The following AGGF1 variants were observed in gnomAD, a reference collection of about 807,000 sequenced individuals.
AGGF1 encodes angiogenic factor with G patch and FHA domains 1.
AGGF1 carries 56 observed loss-of-function variants against 86.5 expected under a neutral mutation model. That is an observed-to-expected ratio of 0.65 (90% confidence interval 0.52 to 0.81). The LOEUF is 0.81. Among genes scored for constraint, AGGF1 ranks in the 30% least tolerant of loss-of-function variants. AGGF1 has a pLI of 0.00. For missense variants in AGGF1, 816 were observed against 850.9 expected, an observed-to-expected ratio of 0.96 and a Z score of 0.51; for synonymous variants, 313 against 297.1, an observed-to-expected ratio of 1.05 and a Z score of -0.55.
At position 77,039,771 on chromosome 5, in the gene AGGF1, T is replaced by TA. The variant is rs778785970; in HGVS notation, c.870+54dup. The TA allele has an allele frequency of 1.9e-5, 28 of 1,502,862 alleles. 1 individual carries two copies. The South Asian group carries it at 3.2e-4, about 17-fold the overall frequency. The allele number at this position is 1,502,862 out of a possible 1,614,324, so 93.1% of individuals were successfully genotyped here. ...GACATAATGGTGATAACATGATAAT[T>TA]AAGACAAAATTTTTTATGAAACTGA... On this transcript the variant is annotated intron_variant, in intron 5 of 13. Coordinates refer to ENST00000312916, the MANE Select transcript of AGGF1 (RefSeq NM_018046.5).
chr5:77,051,449 A>G (rs1290329491), intron 8 of AGGF1, among the ~76,000 whole-genome samples: 4 of 148,344 alleles, frequency 2.7e-5, no homozygotes, highest in South Asian at 2.1e-4. Flanking sequence ...AAAAAAAAAG[A>G]GTTTTGGTAG....
At chr5:77,061,893 A>C in intron 13 of AGGF1, 91 bp downstream of exon 13, 1 of 1,217,900 alleles carries the variant, frequency 8.2e-7, no homozygotes, top group Non-Finnish European at 1.2e-6. Flanking sequence ...AAGTGCTAAG[A>C]ATATAGTAGA....
At chr5:77,043,732 C>T (rs1196563604) in intron 5 of AGGF1, among the ~76,000 whole-genome samples, 2 of 137,126 alleles carry the variant, frequency 1.5e-5, no homozygotes, top group Non-Finnish European at 3.2e-5. Context: ...AGACGCTCCT[C>T]ACTTCCCAGA....
intron 10 of AGGF1, 112 bp downstream of exon 10, chr5:77,054,242 A>C (rs1435818686): frequency 4.5e-5 from 55 of 1,233,532 alleles, no homozygotes; most frequent in Non-Finnish European, 6.4e-5. Flanking sequence ...ACGATACTGC[A>C]TTGAGAGATA....
intron 5 of AGGF1, among the ~76,000 whole-genome samples, chr5:77,042,164 G>A (rs1303349048): frequency 6.7e-6 from 1 of 150,002 alleles, no homozygotes; most frequent in South Asian, 2.1e-4. Flanking sequence ...CAAGGCAGAG[G>A]AATTTTTCTT....
At chr5:77,051,478 T>A (rs1747373230) in intron 8 of AGGF1, among the ~76,000 whole-genome samples, 1 of 150,734 alleles carries the variant, frequency 6.6e-6, no homozygotes, top group African/African-American at 2.4e-5. Flanking sequence ...GAAATGCAAG[T>A]TAAAATCACA....
At chr5:77,031,993 C>G (rs72765104) in intron 1 of AGGF1, among the ~76,000 whole-genome samples, 48,602 of 151,916 alleles carry the variant, frequency 0.32, 8,974 homozygotes, top group Non-Finnish European at 0.41. Context: ...CACATAGTAA[C>G]TAGTTTCAAT....
In AGGF1 at chr5:77,055,494, C is replaced by T. The variant is rs1747442328; in HGVS notation, c.1634-20C>T. Reference sequence around the variant, plus strand: ...ATCAGATTTAGTGGCTTTTTTTTAACCAAACTTTTTTTCTTTCAGTTGGTC... The same window carrying T: ...ATCAGATTTAGTGGCTTTTTTTTAATCAAACTTTTTTTCTTTCAGTTGGTC... On this transcript the variant is annotated intron_variant, in intron 10 of 13. Coordinates refer to ENST00000312916, the MANE Select transcript of AGGF1 (RefSeq NM_018046.5). 3 of 1,541,204 alleles carry T rather than the reference C, an allele frequency of 1.9e-6. No homozygotes were observed. The highest frequency in any genetic ancestry group is 2.7e-6 in the Non-Finnish European group (3 of 1,118,342).
Position 77,046,464 on chromosome 5 carries a change from C to T in AGGF1, c.988C>T (p.Pro330Ser), listed in dbSNP as rs1423383016. Residue 330 changes from proline to serine, a missense_variant, in exon 6 of 14, where the codon CCC becomes TCC. By Grantham distance (74) the Pro-to-Ser change is moderately conservative (BLOSUM62 -1). This residue lies in a region of AGGF1 where 565 missense variants were observed against 585.8 expected (regional missense o/e 0.96). Transcript: ENST00000312916. ...AATAGGCATTCATCACAAAAATAGT[C>T]CCCCCAAAGTCACTGTTCCAACTAG... Reference protein sequence around the residue: ...AKIGIHHKNSPPKVTVPTSGN... With the variant: ...AKIGIHHKNSSPKVTVPTSGN... 4 of 1,613,956 alleles carry T rather than the reference C, an allele frequency of 2.5e-6. No individual in the cohort carries two copies. The highest frequency in any genetic ancestry group is 1.7e-5 in the Admixed American group (1 of 60,024).
intron 8 of AGGF1, among the ~76,000 whole-genome samples, chr5:77,052,214 ATGGT>A (rs1747382847): frequency 6.6e-6 from 1 of 152,046 alleles, no homozygotes; most frequent in Non-Finnish European, 1.5e-5. Context: ...TTAACCAGGT[ATGGT>A]GGCACATGCC....
intron 5 of AGGF1, among the ~76,000 whole-genome samples, chr5:77,045,673 A>G (rs1747234763): frequency 6.6e-6 from 1 of 152,332 alleles, no homozygotes; most frequent in South Asian, 2.1e-4. Context: ...AATTCATGTC[A>G]TAAGTAAAGC....
chr5:77,044,733 G>A (rs539652045), intron 5 of AGGF1, among the ~76,000 whole-genome samples: 2 of 152,212 alleles, frequency 1.3e-5, no homozygotes, highest in South Asian at 4.1e-4. Flanking sequence ...CTTGTTCTGG[G>A]TGAATTTGTA....
chr5:77,050,993 T>C lies in AGGF1; in HGVS notation c.1366-1713T>C, dbSNP rs543730119. On this transcript the variant is annotated intron_variant, in intron 8 of 13. Transcript: ENST00000312916. Reference sequence around the variant, plus strand: ...TCATCATTTATTAAATATCACTCCTTTTGGGAATGTAATTTAGAAAAGCTT... The same window carrying C: ...TCATCATTTATTAAATATCACTCCTCTTGGGAATGTAATTTAGAAAAGCTT... Among the ~76,000 whole-genome samples the C allele has an allele frequency of 4.6e-5, 7 of 152,326 alleles. No homozygotes were observed. The South Asian group carries it at 1.4e-3, about 32-fold the overall frequency.
At chr5:77,044,944 A>G (rs1247617444) in intron 5 of AGGF1, among the ~76,000 whole-genome samples, 1 of 152,120 alleles carries the variant, frequency 6.6e-6, no homozygotes, top group East Asian at 1.9e-4. Flanking sequence ...GCATGCCTGT[A>G]GTCCCAGCTA....
intron 5 of AGGF1, among the ~76,000 whole-genome samples, chr5:77,043,514 G>C (rs1343909489): frequency 1.4e-5 from 2 of 144,528 alleles, no homozygotes; most frequent in East Asian, 2.2e-4. Context: ...TCCCGGACGG[G>C]GCGGCTGGCC....
chr5:77,031,570 G>A (rs1746854725), intron 1 of AGGF1, among the ~76,000 whole-genome samples: 1 of 152,140 alleles, frequency 6.6e-6, no homozygotes, highest in Non-Finnish European at 1.5e-5. Flanking sequence ...AGATGGTAGG[G>A]GCAAATGTTA....
At chr5:77,040,552 T>C (rs751411480) in intron 5 of AGGF1, among the ~76,000 whole-genome samples, 1 of 152,176 alleles carries the variant, frequency 6.6e-6, no homozygotes, top group Non-Finnish European at 1.5e-5. Context: ...AAAAGTATTA[T>C]GTAGGCTTTC....
intron 9 of AGGF1, 136 bp from the exon 10 acceptor site, chr5:77,053,829 A>G (rs1747417176): frequency 3.5e-6 from 3 of 868,398 alleles, no homozygotes; most frequent in Non-Finnish European, 5.4e-6. Flanking sequence ...GCATGTGTGT[A>G]TGTGTATGTG....
In AGGF1 at chr5:77,063,409, T is replaced by A; in HGVS notation, c.*157T>A. 3 of 818,576 alleles carry A rather than the reference T, an allele frequency of 3.7e-6. No individual in the cohort carries two copies. The highest frequency in any genetic ancestry group is 1.7e-5 in the African/African-American group (1 of 57,620). 50.7% of individuals were successfully genotyped at this position (818,576 alleles called of 1,614,324 possible). On this transcript the variant is annotated 3_prime_UTR_variant, in exon 14 of 14. Transcript: ENST00000312916. ...TATGGTTTGCAGCTTTTAAAAACCA[T>A]TTTTTTAAAACTAATAAATAGTGAC...
Sources: gnomAD v4.1 joint callset for allele counts (sites outside exome capture counted in the v4.1 genomes callset) on GRCh38, gnomAD v4.1.1 for gene constraint, gnomAD v4.1.1 regional missense constraint, MANE v1.5 for transcripts, NCBI Gene and HGNC (gene_info 2026-07-23, HGNC 2026-07-21) for gene names.